Variants in TAFA2 observed in about 807,000 individuals in gnomAD.
TAFA2 encodes the protein TAFA chemokine like family member 2, also known as chemokine-like protein TAFA-2.
TAFA2 carries 7 observed loss-of-function variants against 18.8 expected under a neutral mutation model. That is an observed-to-expected ratio of 0.37 (90% CI 0.21 to 0.70). The LOEUF is 0.70. TAFA2 is among the 30% of genes least tolerant of loss of function. The pLI is 0.53. For synonymous variants in TAFA2, 60 were observed against 54.2 expected (o/e 1.11, Z -0.47); for missense variants, 122 against 158.1 (o/e 0.77, Z 1.23).
At chr12:62,101,459 T>C (rs1869198289) in intron 1 of TAFA2, among the ~76,000 whole-genome samples, 1 of 152,208 alleles carries the variant, frequency 6.6e-6, no homozygotes, top group African/African-American at 2.4e-5. Flanking sequence ...ATGCAATACT[T>C]GGTAACCAAA....
rs763443717 is a variant in TAFA2 at position 61,753,766 on chromosome 12, T to A, written c.260-20A>T. The A allele has an allele frequency of 7.6e-6, 12 of 1,585,488 alleles. No individual in the cohort carries two copies. The South Asian group carries it at 9.2e-5, about 12-fold the overall frequency. ...TTGAAGCTATAAGAGAGAAAAAAAA[T>A]TGACTCAACATTTTTTTCTTGGGAC... On this transcript the variant is annotated intron_variant, in intron 3 of 4. Coordinates refer to ENST00000416284, the MANE Select transcript of TAFA2 (RefSeq NM_178539.5).
chr12:61,862,278 G>C (rs1236402915), intron 2 of TAFA2, among the ~76,000 whole-genome samples: 2 of 152,172 alleles, frequency 1.3e-5, no homozygotes, highest in African/African-American at 2.4e-5. Context: ...ACAATACTCT[G>C]ACTTAATCCC....
At chr12:61,900,218 T>A (rs185645051) in intron 1 of TAFA2, among the ~76,000 whole-genome samples, 1 of 152,228 alleles carries the variant, frequency 6.6e-6, no homozygotes, top group Non-Finnish European at 1.5e-5. Flanking sequence ...CTAGGACTTA[T>A]GCATGAGAAA....
At chr12:61,727,257 C>T (rs1870210290) in intron 4 of TAFA2, among the ~76,000 whole-genome samples, 1 of 151,814 alleles carries the variant, frequency 6.6e-6, no homozygotes. Flanking sequence ...AGGGAGGATT[C>T]TCTCTTTCTG....
chr12:62,100,249 T>C (rs548112936), intron 1 of TAFA2, among the ~76,000 whole-genome samples: 1 of 152,036 alleles, frequency 6.6e-6, no homozygotes, highest in South Asian at 2.1e-4. Flanking sequence ...ATATGTTCAT[T>C]GAGAGCCATT....
chr12:61,970,768 A>G (rs1879220314), intron 1 of TAFA2, among the ~76,000 whole-genome samples: 1 of 151,422 alleles, frequency 6.6e-6, no homozygotes, highest in Non-Finnish European at 1.5e-5. Context: ...TAGTGCAAGA[A>G]TCATCAATGG....
chr12:61,928,519 G>C (rs527448547), intron 1 of TAFA2, among the ~76,000 whole-genome samples: 46 of 152,284 alleles, frequency 3.0e-4, no homozygotes, highest in African/African-American at 1.1e-3. Context: ...GGAAACAACA[G>C]CTGCTGGGGA....
At chr12:61,854,874 A>T (rs1429743959) in intron 2 of TAFA2, among the ~76,000 whole-genome samples, 1 of 152,198 alleles carries the variant, frequency 6.6e-6, no homozygotes, top group Non-Finnish European at 1.5e-5. Flanking sequence ...CAGTAAACTA[A>T]AAAACAATGA....
In TAFA2 at chr12:61,715,080, TA is replaced by T. The variant is rs571691159; in HGVS notation, c.385-4664del. On this transcript the variant is annotated intron_variant, in intron 4 of 4. Coordinates refer to ENST00000416284, the MANE Select transcript of TAFA2 (RefSeq NM_178539.5). ...AGTGCTTGTCCCATTAAATGGCTTTTAAATATTAGTAGGTGGTAGAAGTAGA... is the reference window on the plus strand; with the variant it reads ...AGTGCTTGTCCCATTAAATGGCTTTTAATATTAGTAGGTGGTAGAAGTAGA... 1.8e-3 allele frequency among the ~76,000 whole-genome samples: 275 copies of T among 152,324 alleles called. 3 individuals carry two copies. Among genetic ancestry groups the T allele is most frequent in the African/African-American group, 6.4e-3 (266 of 41,574 alleles).
intron 4 of TAFA2, among the ~76,000 whole-genome samples, chr12:61,743,454 A>G (rs1286134432): frequency 1.3e-5 from 2 of 152,054 alleles, no homozygotes; most frequent in Non-Finnish European, 1.5e-5. Context: ...TTTAACGCAT[A>G]TTGCTCCTAG....
chr12:62,125,636 G>T (rs1008359539), intron 1 of TAFA2, among the ~76,000 whole-genome samples: 1 of 152,108 alleles, frequency 6.6e-6, no homozygotes, highest in Non-Finnish European at 1.5e-5. Context: ...GAGAGACAGA[G>T]CACATGTTTA....
intron 1 of TAFA2, among the ~76,000 whole-genome samples, chr12:62,059,650 C>T (rs1363569872): frequency 2.6e-5 from 4 of 152,080 alleles, no homozygotes; most frequent in African/African-American, 4.8e-5. Flanking sequence ...ATGTGGCCAC[C>T]TGAAGAAAAG....
chr12:62,131,797 T>C (rs1592355528), intron 1 of TAFA2, among the ~76,000 whole-genome samples: 1 of 152,146 alleles, frequency 6.6e-6, no homozygotes, highest in Admixed American at 6.6e-5. Context: ...TGAGTTAGTA[T>C]ATCACTGTTC....
intron 1 of TAFA2, among the ~76,000 whole-genome samples, chr12:62,007,267 A>C (rs145449385): frequency 5.5e-4 from 84 of 152,306 alleles, no homozygotes; most frequent in Middle Eastern, 3.4e-3. Context: ...TTAGGGCATA[A>C]ATGTTCCAAC....
intron 1 of TAFA2, among the ~76,000 whole-genome samples, chr12:62,245,457 G>C (rs2062880499): frequency 6.6e-6 from 1 of 151,420 alleles, no homozygotes. Context: ...TTTCCACATG[G>C]ACATTGACAT....
At chr12:61,879,640 C>T (rs1875028715) in intron 1 of TAFA2, 9 of 904,306 alleles carry the variant, frequency 1.0e-5, no homozygotes, top group Admixed American at 1.7e-5. Context: ...CCTCCTTCAT[C>T]GACAAGGTAC....
intron 1 of TAFA2, among the ~76,000 whole-genome samples, chr12:62,168,067 G>C (rs1007913627): frequency 1.3e-5 from 2 of 152,114 alleles, no homozygotes; most frequent in Non-Finnish European, 2.9e-5. Context: ...ATAAACATTT[G>C]TGTGTGTCTG....
chr12:62,007,099 C>T (rs891664382), intron 1 of TAFA2, among the ~76,000 whole-genome samples: 3 of 152,116 alleles, frequency 2.0e-5, no homozygotes, highest in South Asian at 2.1e-4. Context: ...TACCATTCTT[C>T]CTGGCCCCCA....
intron 4 of TAFA2, among the ~76,000 whole-genome samples, chr12:61,731,810 A>G (rs1870464118): frequency 6.6e-6 from 1 of 152,150 alleles, no homozygotes; most frequent in Non-Finnish European, 1.5e-5. Flanking sequence ...AGGAAGAAAT[A>G]GTCTGGGGAA....
Sources: allele counts gnomAD v4.1 joint callset (sites outside exome capture counted in the v4.1 genomes callset), GRCh38; gene constraint gnomAD v4.1.1; transcripts MANE v1.5; gene names NCBI Gene and HGNC (gene_info 2026-07-23, HGNC 2026-07-21).